ADAMTS17: variants seen among roughly 807,000 people sequenced by gnomAD.
The protein encoded by ADAMTS17 is A disintegrin and metalloproteinase with thrombospondin motifs 17.
Under a neutral mutation model 141.5 loss-of-function variants are expected in ADAMTS17, and 113 were observed. The ratio of observed to expected loss-of-function variants is 0.80; its 90% CI spans 0.69 to 0.93. The LOEUF (loss-of-function observed/expected upper bound fraction) is 0.93. ADAMTS17 is among the 40% of genes least tolerant of loss of function. The pLI, the probability that ADAMTS17 is intolerant of heterozygous loss-of-function variation, is 0.00. For synonymous variants in ADAMTS17, 768 were observed against 630.6 expected (o/e 1.22, Z -3.27); for missense variants, 1,659 against 1,517.9 (o/e 1.09, Z -1.54).
chr15:99,997,567 G>A lies in ADAMTS17; in HGVS notation c.2614C>T (p.Pro872Ser). ...CCTTTCTCACAGGTCGCCGAGCAGG[G>A]GCTCCACGGGCCTGCCACCCACCTG... ...QSRWVAGPWS[P>S]CSATCEKGFQ... The change falls in exon 19 of 22, where the codon CCC becomes TCC. Residue 872 changes from proline to serine, a missense_variant. Pro to Ser is a moderately conservative substitution (Grantham distance 74). Transcript: ENST00000268070. The surrounding 1 kb of genome is among the most constrained non-coding windows in gnomAD (Gnocchi z 4.7). The A allele has an allele frequency of 6.2e-7, 1 of 1,613,302 alleles. No homozygotes were observed. Among genetic ancestry groups the A allele is most frequent in the Admixed American group, 1.7e-5 (1 of 60,020 alleles).
intron 7 of ADAMTS17, among the ~76,000 whole-genome samples, chr15:100,226,686 G>A (rs1567389595): frequency 6.6e-6 from 1 of 152,208 alleles, no homozygotes; most frequent in Non-Finnish European, 1.5e-5. Context: ...GACCATAAAA[G>A]ACCTCAGAGG....
chr15:100,228,740 C>A (rs1324657590), intron 7 of ADAMTS17, among the ~76,000 whole-genome samples: 1 of 152,188 alleles, frequency 6.6e-6, no homozygotes, highest in African/African-American at 2.4e-5. Context: ...TGAGGTCTGC[C>A]ACAGCAATGC....
intron 13 of ADAMTS17, among the ~76,000 whole-genome samples, chr15:100,110,546 G>A (rs892427051): frequency 6.6e-6 from 1 of 152,012 alleles, no homozygotes; most frequent in Non-Finnish European, 1.5e-5. Context: ...TTATAGAAGT[G>A]AGCCACCGCG....
At chr15:100,019,931 A>G (rs2061370779) in intron 18 of ADAMTS17, among the ~76,000 whole-genome samples, 2 of 152,068 alleles carry the variant, frequency 1.3e-5, no homozygotes, top group Admixed American at 1.3e-4. Context: ...TGTTTTGATC[A>G]CCAAATTCCT....
chr15:100,166,357 C>A (rs573788127), intron 8 of ADAMTS17, among the ~76,000 whole-genome samples: 1 of 152,070 alleles, frequency 6.6e-6, no homozygotes, highest in Non-Finnish European at 1.5e-5. Context: ...TCTCATTTTG[C>A]TTCATCCTTT....
At chr15:100,289,530 ATACACACATACACACACT>A (rs1286390082) in intron 3 of ADAMTS17, among the ~76,000 whole-genome samples, 6 of 135,400 alleles carry the variant, frequency 4.4e-5, no homozygotes, top group Admixed American at 3.8e-4. Context: ...AGACACACAC[ATACACACATACACACACT>A]CACACACACA....
chr15:100,188,811 C>T (rs2141577702), intron 8 of ADAMTS17, among the ~76,000 whole-genome samples: 1 of 152,302 alleles, frequency 6.6e-6, no homozygotes, highest in South Asian at 2.1e-4. Flanking sequence ...TCTAGCACTG[C>T]ACAGGCAGCA....
At chr15:100,065,227 CAT>C (rs1440746839) in intron 15 of ADAMTS17, among the ~76,000 whole-genome samples, 2 of 152,102 alleles carry the variant, frequency 1.3e-5, no homozygotes, top group African/African-American at 4.8e-5. Context: ...CCTCTTAATG[CAT>C]ATAAACATAC....
rs528244532 is a variant in ADAMTS17 at position 100,191,330 on chromosome 15, G to A, written c.1181+7988C>T. The stretch of plus-strand genomic sequence containing the variant: ...CCACGGCTGGACTTCCTACCGTGAC[G>A]CTGAGCTCCAGCCAACAGCTGTTTG... On this transcript the variant is annotated intron_variant, in intron 8 of 21. Coordinates refer to ENST00000268070, the MANE Select transcript of ADAMTS17 (RefSeq NM_139057.4). Among the ~76,000 whole-genome samples, 33 of 152,376 alleles carry A rather than the reference G, an allele frequency of 2.2e-4. 1 individual carries two copies. Among genetic ancestry groups the A allele is most frequent in the African/African-American group, 7.0e-4 (29 of 41,592 alleles).
At position 100,019,780 on chromosome 15, in the gene ADAMTS17, T is replaced by C. The variant is rs112001239; in HGVS notation, c.2592-22191A>G. 4.1e-3 allele frequency among the ~76,000 whole-genome samples: 625 copies of C among 152,356 alleles called. 3 individuals carry two copies. Among genetic ancestry groups the C allele is most frequent in the Non-Finnish European group, 5.6e-3 (381 of 68,034 alleles). On this transcript the variant is annotated intron_variant, in intron 18 of 21. Transcript: ENST00000268070. ...CCCTGTGGCCTCTAGTCTAGGACTTTACACTTTCCTATCCTGAAGCAGCAG... is the reference window on the plus strand; with the variant it reads ...CCCTGTGGCCTCTAGTCTAGGACTTCACACTTTCCTATCCTGAAGCAGCAG...
At chr15:100,245,926 G>A (rs2042973435) in intron 7 of ADAMTS17, among the ~76,000 whole-genome samples, 1 of 152,154 alleles carries the variant, frequency 6.6e-6, no homozygotes, top group East Asian at 1.9e-4. Context: ...GTATTTGTGT[G>A]TAGGTAAGAC....
intron 8 of ADAMTS17, among the ~76,000 whole-genome samples, chr15:100,181,035 G>C (rs1230397195): frequency 6.6e-6 from 1 of 152,226 alleles, no homozygotes; most frequent in Non-Finnish European, 1.5e-5. Context: ...TAGAGACAAA[G>C]TCCTGCCCTC....
At chr15:99,974,670 G>A (rs1057340919) in intron 21 of ADAMTS17, 108 bp from the exon 22 acceptor site, 26 of 1,408,138 alleles carry the variant, frequency 1.8e-5, no homozygotes, top group Middle Eastern at 1.8e-4. Context: ...CCTCACCCTC[G>A]TGCACACGTC....
At chr15:100,144,541 C>A (rs545758698) in intron 10 of ADAMTS17, among the ~76,000 whole-genome samples, 3 of 151,640 alleles carry the variant, frequency 2.0e-5, no homozygotes, top group African/African-American at 7.3e-5. Context: ...CAGAGCAAGA[C>A]TCCATCTCGA....
At chr15:100,193,056 T>A (rs1596239567) in intron 8 of ADAMTS17, among the ~76,000 whole-genome samples, 1 of 152,210 alleles carries the variant, frequency 6.6e-6, no homozygotes, top group Non-Finnish European at 1.5e-5. Context: ...GCTGGAAGCA[T>A]CCAATGTAAT....
intron 4 of ADAMTS17, among the ~76,000 whole-genome samples, chr15:100,263,711 G>T (rs1394486110): frequency 6.6e-6 from 1 of 152,214 alleles, no homozygotes; most frequent in Admixed American, 6.5e-5. Context: ...AAAGGTAGTG[G>T]CAGATGGAAG....
intron 3 of ADAMTS17, among the ~76,000 whole-genome samples, chr15:100,317,298 G>T (rs558527602): frequency 4.3e-4 from 65 of 152,262 alleles, no homozygotes; most frequent in African/African-American, 1.5e-3. Flanking sequence ...ACGTAGTAAT[G>T]ATGACGACTG....
chr15:100,059,652 T>A (rs564121798), intron 15 of ADAMTS17, among the ~76,000 whole-genome samples: 6 of 152,194 alleles, frequency 3.9e-5, no homozygotes, highest in Non-Finnish European at 7.4e-5. Context: ...AATAGGTTCA[T>A]TGTGGAGTCC....
chr15:99,980,966 G>A (rs976848129), intron 20 of ADAMTS17, among the ~76,000 whole-genome samples: 2 of 152,180 alleles, frequency 1.3e-5, no homozygotes, highest in African/African-American at 4.8e-5. Flanking sequence ...TGGACCCCTC[G>A]TAGGCCTCCA....
Sources: allele counts gnomAD v4.1 joint callset (sites outside exome capture counted in the v4.1 genomes callset), GRCh38; gene constraint gnomAD v4.1.1; non-coding constraint Gnocchi (gnomAD v3.1); transcripts MANE v1.5; gene names NCBI Gene and HGNC (gene_info 2026-07-23, HGNC 2026-07-21).